Variants in PCDH9 observed in about 807,000 individuals in gnomAD.
PCDH9 encodes protocadherin-9.
PCDH9 carries 24 observed loss-of-function variants against 70.6 expected under a neutral mutation model. The observed-to-expected ratio is 0.34, with a 90% CI of 0.25 to 0.48. The LOEUF (loss-of-function observed/expected upper bound fraction) is 0.48, where lower values mean the gene tolerates loss of function less well. Among genes scored for constraint, PCDH9 ranks in the 20% least tolerant of loss-of-function variants. The pLI, the probability that PCDH9 is intolerant of heterozygous loss-of-function variation, is 0.99. For missense variants in PCDH9, 1,281 were observed against 1,503.6 expected (o/e 0.85, Z 2.45); for synonymous variants, 562 against 558.5 (o/e 1.01, Z -0.09).
chr13:66,435,625 T>A (rs1196908696), intron 4 of PCDH9, among the ~76,000 whole-genome samples: 1 of 152,144 alleles, frequency 6.6e-6, no homozygotes, highest in African/African-American at 2.4e-5. Context: ...CAAAGCAACT[T>A]TTACATAATA....
At chr13:66,440,183 T>G (rs1957947345) in intron 4 of PCDH9, among the ~76,000 whole-genome samples, 1 of 152,182 alleles carries the variant, frequency 6.6e-6, no homozygotes, top group South Asian at 2.1e-4. Flanking sequence ...TGTAAGCATG[T>G]GCTTTCATAT....
At chr13:67,221,685 C>A (rs1566505880) in intron 2 of PCDH9, 1 of 151,994 alleles carries the variant, frequency 6.6e-6, no homozygotes, top group East Asian at 1.9e-4. Flanking sequence ...TTTCATTTAT[C>A]TTCCCTCTTC....
At chr13:66,923,648 A>T (rs951388030) in intron 2 of PCDH9, among the ~76,000 whole-genome samples, 3 of 151,812 alleles carry the variant, frequency 2.0e-5, no homozygotes, top group African/African-American at 7.2e-5. Context: ...ATTTTAATAG[A>T]TAAGGAAACT....
chr13:66,994,370 T>C (rs1224930415), intron 2 of PCDH9, among the ~76,000 whole-genome samples: 1 of 152,172 alleles, frequency 6.6e-6, no homozygotes, highest in Non-Finnish European at 1.5e-5. Context: ...CACCCCGCCA[T>C]TCGGTCTCCC....
At chr13:66,691,754 A>T (rs1259578815) in intron 3 of PCDH9, among the ~76,000 whole-genome samples, 3 of 152,214 alleles carry the variant, frequency 2.0e-5, no homozygotes, top group Admixed American at 2.0e-4. Context: ...TAAAGAATAC[A>T]TGCCTTATAT....
At chr13:66,985,920 C>T (rs1444449613) in intron 2 of PCDH9, 5 of 151,942 alleles carry the variant, frequency 3.3e-5, no homozygotes, top group African/African-American at 1.2e-4. Flanking sequence ...GTCATTATAT[C>T]CATTCTCTTA....
At chr13:67,143,130 T>A (rs2087438362) in intron 2 of PCDH9, among the ~76,000 whole-genome samples, 1 of 152,156 alleles carries the variant, frequency 6.6e-6, no homozygotes, top group Non-Finnish European at 1.5e-5. Flanking sequence ...TACACTTCTT[T>A]CTCCTAATGT....
At chr13:66,959,914 TCA>T (rs1418894953) in intron 2 of PCDH9, among the ~76,000 whole-genome samples, 2 of 152,184 alleles carry the variant, frequency 1.3e-5, no homozygotes, top group African/African-American at 2.4e-5. Flanking sequence ...TCAAAGTTTT[TCA>T]CAGTTTCTGA....
chr13:67,122,014 T>A (rs2086886852), intron 2 of PCDH9, among the ~76,000 whole-genome samples: 1 of 152,194 alleles, frequency 6.6e-6, no homozygotes, highest in Non-Finnish European at 1.5e-5. Flanking sequence ...CTCTTGTTAG[T>A]TGATCCAGAT....
At chr13:67,167,597 C>T (rs140289989) in intron 2 of PCDH9, among the ~76,000 whole-genome samples, 1,932 of 152,062 alleles carry the variant, frequency 0.013, 31 homozygotes, top group Non-Finnish European at 0.017. Context: ...GTTGACATTC[C>T]CTTGTGGCAG....
intron 4 of PCDH9, among the ~76,000 whole-genome samples, chr13:66,349,384 T>C (rs1956259862): frequency 6.6e-6 from 1 of 152,178 alleles, no homozygotes; most frequent in South Asian, 2.1e-4. Flanking sequence ...TGTAGGATAT[T>C]TGAGACCCAA....
intron 4 of PCDH9, among the ~76,000 whole-genome samples, chr13:66,483,029 G>A (rs2138513375): frequency 6.6e-6 from 1 of 152,282 alleles, no homozygotes; most frequent in East Asian, 1.9e-4. Flanking sequence ...GGCCACTGCA[G>A]AGAGTTTTTG....
chr13:66,771,879 CT>C (rs2079814092), intron 3 of PCDH9, among the ~76,000 whole-genome samples: 1 of 152,070 alleles, frequency 6.6e-6, no homozygotes, highest in African/African-American at 2.4e-5. Context: ...ACATGTTGTG[CT>C]AACATTATGG....
intron 4 of PCDH9, among the ~76,000 whole-genome samples, chr13:66,327,699 C>A (rs1259738332): frequency 6.6e-6 from 1 of 152,046 alleles, no homozygotes; most frequent in Non-Finnish European, 1.5e-5. Flanking sequence ...ACTTTAAATT[C>A]TATATCTATA....
chr13:66,588,883 C>G (rs949521168), intron 4 of PCDH9, among the ~76,000 whole-genome samples: 2 of 149,970 alleles, frequency 1.3e-5, no homozygotes, highest in Admixed American at 1.3e-4. Context: ...TCCATTATTA[C>G]GAGAACTTTT....
In PCDH9 at chr13:67,003,524, A is replaced by G. The variant is rs190700862; in HGVS notation, c.3037-99919T>C. Among the ~76,000 whole-genome samples, 26 of 152,300 alleles carry G rather than the reference A, an allele frequency of 1.7e-4. No homozygotes were observed. The East Asian group carries it at 5.0e-3, about 29-fold the overall frequency. ...TTCTATGTGAGGATATCTACACAAG[A>G]TATGTTTCTTAATATTAATCAACCC... On this transcript the variant is annotated intron_variant, in intron 2 of 4. Coordinates refer to ENST00000377865, the MANE Select transcript of PCDH9 (RefSeq NM_203487.3).
chr13:66,776,650 A>C (rs1311529311), intron 3 of PCDH9, among the ~76,000 whole-genome samples: 3 of 152,200 alleles, frequency 2.0e-5, no homozygotes, highest in African/African-American at 4.8e-5. Flanking sequence ...AAATGGAAGA[A>C]CATTCCATGC....
chr13:66,578,083 T>G (rs2076840039), intron 4 of PCDH9, among the ~76,000 whole-genome samples: 1 of 152,094 alleles, frequency 6.6e-6, no homozygotes, highest in South Asian at 2.1e-4. Flanking sequence ...TTTTATGTAT[T>G]TTCCCTAATG....
At chr13:66,619,678 G>A (rs941356392) in intron 4 of PCDH9, among the ~76,000 whole-genome samples, 5 of 152,134 alleles carry the variant, frequency 3.3e-5, no homozygotes, top group Non-Finnish European at 4.4e-5. Context: ...TAGGACCTAG[G>A]TTAATCTGAC....
Sources: gnomAD v4.1 joint callset for allele counts (sites outside exome capture counted in the v4.1 genomes callset) on GRCh38, gnomAD v4.1.1 for gene constraint, MANE v1.5 for transcripts, NCBI Gene and HGNC (gene_info 2026-07-23, HGNC 2026-07-21) for gene names.